PLCH1: variants seen among roughly 807,000 people sequenced by gnomAD.
PLCH1 encodes the protein phospholipase C eta 1, also known as 1-phosphatidylinositol 4,5-bisphosphate phosphodiesterase eta-1.
PLCH1 carries 60 observed loss-of-function variants against 126.7 expected under a neutral mutation model. That is an observed-to-expected ratio of 0.47 (90% CI 0.38 to 0.59). PLCH1 has a LOEUF of 0.59. Ranked by LOEUF, PLCH1 falls within the 20% of genes least tolerant of loss-of-function variation. PLCH1 has a pLI of 0.00. For synonymous variants in PLCH1, 719 were observed against 734.9 expected (o/e 0.98, Z 0.35); for missense variants, 1,723 against 2,040.0 (o/e 0.84, Z 2.99).
In PLCH1 at chr3:155,482,226, T is replaced by C. The variant is rs377417850; in HGVS notation, c.3800A>G (p.Tyr1267Cys). 4.0e-5 allele frequency: 65 copies of C among 1,614,090 alleles called. 1 individual carries two copies. The highest frequency in any genetic ancestry group is 3.3e-4 in the Middle Eastern group (2 of 6,084). ...ETTKHATNTV[Y>C]ETTCTPISKT... ...AGAGATGGGAGTGCAGGTAGTTTCA[T>C]AAACTGTGTTCGTTGCATGTTTGGT... is the stretch of plus-strand genomic sequence containing the variant. Residue 1267 changes from tyrosine (Y) to cysteine (C), a missense_variant, in exon 23 of 23, where the codon TAT (tyrosine) becomes TGT (cysteine). Tyr to Cys is a radical substitution (Grantham distance 194). Coordinates refer to ENST00000460012, the MANE Select transcript of PLCH1 (RefSeq NM_014996.4).
intron 8 of PLCH1, among the ~76,000 whole-genome samples, chr3:155,563,320 A>G (rs1485101950): frequency 6.6e-6 from 1 of 152,324 alleles, no homozygotes; most frequent in South Asian, 2.1e-4. Context: ...ACTGATAAAG[A>G]TGTCCACATA....
At chr3:155,577,323 G>T (rs1029535719) in intron 6 of PLCH1, among the ~76,000 whole-genome samples, 1 of 151,924 alleles carries the variant, frequency 6.6e-6, no homozygotes, top group Non-Finnish European at 1.5e-5. Context: ...CATTTTCATA[G>T]GTTTATTGAC....
intron 2 of PLCH1, among the ~76,000 whole-genome samples, chr3:155,613,255 A>C (rs1049378976): frequency 6.6e-6 from 1 of 152,254 alleles, no homozygotes; most frequent in Non-Finnish European, 1.5e-5. Context: ...TATTGACACT[A>C]TTCCAAAAGA....
intron 1 of PLCH1, among the ~76,000 whole-genome samples, chr3:155,730,905 C>T (rs1053119307): frequency 2.0e-5 from 3 of 152,148 alleles, no homozygotes; most frequent in African/African-American, 7.2e-5. Flanking sequence ...TTGCCTTACA[C>T]CCTAATGCCA....
intron 21 of PLCH1, among the ~76,000 whole-genome samples, chr3:155,472,852 G>A (rs1385483908): frequency 1.3e-3 from 190 of 151,684 alleles, no homozygotes; most frequent in Non-Finnish European, 2.3e-3. Flanking sequence ...AATAGATGCA[G>A]AAAAAGCCTT....
intron 2 of PLCH1, among the ~76,000 whole-genome samples, chr3:155,655,311 C>T (rs1741221601): frequency 6.6e-6 from 1 of 152,038 alleles, no homozygotes; most frequent in Non-Finnish European, 1.5e-5. Flanking sequence ...TGGCACATGC[C>T]TGTAGTCCCA....
intron 6 of PLCH1, among the ~76,000 whole-genome samples, chr3:155,570,708 G>A (rs73874845): frequency 0.015 from 2,351 of 152,234 alleles, 67 homozygotes; most frequent in African/African-American, 0.053. Flanking sequence ...AACTGTAAGA[G>A]GCAGAACCAA....
intron 2 of PLCH1, 61 bp from the exon 3 acceptor site, chr3:155,596,439 G>C: frequency 1.4e-6 from 2 of 1,413,046 alleles, no homozygotes; most frequent in South Asian, 1.3e-5. Flanking sequence ...CTGGTGTCCA[G>C]GTTTTAGAGT....
rs557292000 is a variant in PLCH1 at position 155,547,208 on chromosome 3, C to A, written c.1362+2579G>T. ...AAATTTACAAGAAAAAAACAAACAACCCCATCAAAAAGTGGGTGAAGGACA... is the reference window on the plus strand; with the variant it reads ...AAATTTACAAGAAAAAAACAAACAAACCCATCAAAAAGTGGGTGAAGGACA... On this transcript the variant is annotated intron_variant, in intron 10 of 22. Coordinates refer to ENST00000460012, the MANE Select transcript of PLCH1 (RefSeq NM_014996.4). Among the ~76,000 whole-genome samples the A allele has an allele frequency of 2.4e-4, 35 of 148,212 alleles. No homozygotes were observed. In the East Asian group the frequency reaches 6.6e-3, roughly 28 times the overall value.
intron 2 of PLCH1, among the ~76,000 whole-genome samples, chr3:155,624,781 T>C (rs1737016274): frequency 6.6e-6 from 1 of 152,088 alleles, no homozygotes. Context: ...TGCTCACGGA[T>C]AGGAAGAATC....
chr3:155,630,954 A>G (rs963645692), intron 2 of PLCH1, among the ~76,000 whole-genome samples: 2 of 152,224 alleles, frequency 1.3e-5, no homozygotes, highest in East Asian at 1.9e-4. Context: ...GATTGAAGAA[A>G]TTTTTGGAAT....
At position 155,481,691 on chromosome 3, in the gene PLCH1, T is replaced by C. The variant is rs141319384; in HGVS notation, c.4335A>G (p.Lys1445=). 1.9e-4 allele frequency: 308 copies of C among 1,614,150 alleles called. 1 individual carries two copies. In the African/African-American group the frequency reaches 3.8e-3, roughly 20 times the overall value. ...GCTGGGGCACACAGGTCTGGAACAT[T>C]TTTGCATCTGAATCTGAGAAATGAT... ...VHNHFSDSDA[K]MFQTCVPQQS... The change falls in exon 23 of 23, where the codon AAA becomes AAG. Residue 1445 remains lysine (K), a synonymous_variant. Coordinates refer to ENST00000460012, the MANE Select transcript of PLCH1 (RefSeq NM_014996.4). The surrounding 1 kb of genome is among the most constrained non-coding windows in gnomAD (Gnocchi z 4.2).
chr3:155,520,229 G>A (rs1720902634), intron 11 of PLCH1, among the ~76,000 whole-genome samples: 2 of 152,288 alleles, frequency 1.3e-5, no homozygotes, highest in Non-Finnish European at 2.9e-5. Flanking sequence ...GGTAACTCAT[G>A]CTGTCTTTGA....
At position 155,485,501 on chromosome 3, in the gene PLCH1, T is replaced by G; in HGVS notation, c.2829A>C (p.Arg943Ser). 1 of 1,614,230 alleles carries G rather than the reference T, an allele frequency of 6.2e-7. No individual in the cohort carries two copies. The highest frequency in any genetic ancestry group is 8.5e-7 in the Non-Finnish European group (1 of 1,180,046). Residue 943 changes from arginine to serine, a missense_variant, in exon 22 of 23, where the codon AGA (arginine) becomes AGC (serine). Arg to Ser is a moderately radical substitution (Grantham distance 110, BLOSUM62 -1). Coordinates refer to ENST00000460012, the MANE Select transcript of PLCH1 (RefSeq NM_014996.4). ...EIKDSVSEAT[R>S]DQDGVLRRTT... ...TCCTCCTCAGCACGCCATCTTGATC[T>G]CTTGTGGCCTCGGACACAGAATCCT... is the stretch of plus-strand genomic sequence containing the variant.
chr3:155,607,959 C>T (rs1223281565), intron 2 of PLCH1, among the ~76,000 whole-genome samples: 8 of 151,998 alleles, frequency 5.3e-5, no homozygotes, highest in Admixed American at 5.2e-4. Context: ...GTAAATTCCA[C>T]GAGACAGCAA....
intron 10 of PLCH1, among the ~76,000 whole-genome samples, chr3:155,546,051 A>G (rs1207547780): frequency 7.9e-5 from 12 of 152,196 alleles, no homozygotes; most frequent in African/African-American, 2.2e-4. Flanking sequence ...AATTAGGCAG[A>G]AGAAGGAAAT....
intron 2 of PLCH1, among the ~76,000 whole-genome samples, chr3:155,619,764 A>C (rs1374749636): frequency 1.3e-5 from 2 of 152,122 alleles, no homozygotes; most frequent in African/African-American, 4.8e-5. Flanking sequence ...AGCAGGCCTG[A>C]CAACTTCCAA....
chr3:155,513,131 C>T (rs935284864), intron 12 of PLCH1, among the ~76,000 whole-genome samples: 1 of 152,216 alleles, frequency 6.6e-6, no homozygotes, highest in Non-Finnish European at 1.5e-5. Flanking sequence ...TGCCCAGAGC[C>T]ATACTCAGCA....
chr3:155,483,416 T>C, intron 22 of PLCH1: 4 of 1,472,076 alleles, frequency 2.7e-6, no homozygotes, highest in Non-Finnish European at 2.8e-6. Context: ...ACAAGACAGC[T>C]CTGTTAAACA....
Sources: allele counts gnomAD v4.1 joint callset (sites outside exome capture counted in the v4.1 genomes callset), GRCh38; gene constraint gnomAD v4.1.1; non-coding constraint Gnocchi (gnomAD v3.1); transcripts MANE v1.5; gene names NCBI Gene and HGNC (gene_info 2026-07-23, HGNC 2026-07-21).